Variants in NAA15 observed in about 807,000 individuals in gnomAD.
NAA15 encodes the protein N-terminal acetyltransferase.
In NAA15, 34 loss-of-function variants were observed where a neutral mutation model predicts 114.0. The ratio of observed to expected loss-of-function variants is 0.30; its 90% CI spans 0.23 to 0.40. The LOEUF is 0.40. NAA15 is among the 10% of genes least tolerant of loss of function. NAA15 has a pLI of 1.00. For missense variants in NAA15, 658 were observed against 1,004.5 expected, an observed-to-expected ratio of 0.66 and a Z score of 4.66; for synonymous variants, 340 against 338.0, an observed-to-expected ratio of 1.01 and a Z score of -0.06.
chr4:139,331,390 C>T (rs1307516717), intron 1 of NAA15, among the ~76,000 whole-genome samples: 1 of 151,882 alleles, frequency 6.6e-6, no homozygotes, highest in Non-Finnish European at 1.5e-5. Flanking sequence ...CACATTTGCC[C>T]ACTTTCATCT....
Position 139,361,754 on chromosome 4 carries a change from G to T in NAA15, c.1570G>T (p.Asp524Tyr). The change falls in exon 14 of 20, where the codon GAC (aspartate) becomes TAC (tyrosine). Residue 524 changes from aspartate (D) to tyrosine (Y), a missense_variant. By Grantham distance (160) the Asp-to-Tyr change is radical. Coordinates refer to ENST00000296543, the MANE Select transcript of NAA15 (RefSeq NM_057175.5). ...HFIEITDDQF[D>Y]FHTYCMRKIT... ...TATAGAAATCACTGATGACCAGTTT[G>T]ACTTTCATACATACTGTATGAGGAA... 1 of 1,600,412 alleles carries T rather than the reference G, an allele frequency of 6.2e-7. No individual in the cohort carries two copies. The highest frequency in any genetic ancestry group is 1.1e-5 in the South Asian group (1 of 87,918).
intron 6 of NAA15, among the ~76,000 whole-genome samples, chr4:139,345,685 C>G (rs984534951): frequency 1.3e-5 from 2 of 152,128 alleles, no homozygotes; most frequent in Non-Finnish European, 2.9e-5. Context: ...CTTTGGGAGG[C>G]CGAGGCAGGT....
intron 1 of NAA15, among the ~76,000 whole-genome samples, chr4:139,325,215 T>G (rs1214452543): frequency 2.6e-5 from 4 of 152,210 alleles, no homozygotes. Context: ...ATTTTTATTG[T>G]CCATTTGATT....
intron 1 of NAA15, among the ~76,000 whole-genome samples, chr4:139,317,399 A>G (rs560595680): frequency 0.011 from 1,719 of 152,110 alleles, 12 homozygotes; most frequent in East Asian, 0.029. Context: ...CGAGGCGGGT[A>G]GATCACGAGG....
intron 1 of NAA15, among the ~76,000 whole-genome samples, chr4:139,309,693 A>G (rs1208406481): frequency 1.3e-5 from 2 of 151,988 alleles, no homozygotes; most frequent in Non-Finnish European, 2.9e-5. Flanking sequence ...TGTGTTAGAA[A>G]CCTGAAATGT....
At chr4:139,328,126 T>TC (rs570311123) in intron 1 of NAA15, among the ~76,000 whole-genome samples, 137 of 152,194 alleles carry the variant, frequency 9.0e-4, no homozygotes, top group African/African-American at 3.1e-3. Context: ...TGATTTTTTT[T>TC]TTCTTCTTCT....
intron 1 of NAA15, among the ~76,000 whole-genome samples, chr4:139,306,815 C>T (rs1394239866): frequency 6.6e-6 from 1 of 152,074 alleles, no homozygotes; most frequent in Non-Finnish European, 1.5e-5. Flanking sequence ...AAAATCCACA[C>T]CTTAGATTTT....
Position 139,308,917 on chromosome 4 carries a change from G to A in NAA15, c.54+7086G>A, listed in dbSNP as rs552830519. 8.4e-4 allele frequency among the ~76,000 whole-genome samples: 128 copies of A among 151,904 alleles called. 1 individual carries two copies. The highest frequency in any genetic ancestry group is 2.1e-3 in the South Asian group (10 of 4,808). ...CAGGCGTGAGCCACCGCACCCTGCC[G>A]GTAATCGTAAATTTAAACTCGGATA... On this transcript the variant is annotated intron_variant, in intron 1 of 19. Coordinates refer to ENST00000296543, the MANE Select transcript of NAA15 (RefSeq NM_057175.5).
At chr4:139,357,580 T>A in intron 11 of NAA15, 25 bp downstream of exon 11, 1 of 1,458,260 alleles carries the variant, frequency 6.9e-7, no homozygotes, top group East Asian at 2.4e-5. Context: ...TTCTATTTTC[T>A]TATAAGGTAA....
At chr4:139,358,535 A>T (rs1335699195) in intron 11 of NAA15, among the ~76,000 whole-genome samples, 4 of 151,510 alleles carry the variant, frequency 2.6e-5, no homozygotes, top group African/African-American at 9.7e-5. Flanking sequence ...TTTTTTATTA[A>T]TTTTTTTATT....
At chr4:139,346,025 A>C (rs996817321) in intron 6 of NAA15, among the ~76,000 whole-genome samples, 4 of 152,114 alleles carry the variant, frequency 2.6e-5, no homozygotes, top group Non-Finnish European at 4.4e-5. Flanking sequence ...CGGTAGGTGA[A>C]ATGGGATGCA....
chr4:139,342,502 C>T (rs943798174), intron 4 of NAA15, among the ~76,000 whole-genome samples: 1 of 122,916 alleles, frequency 8.1e-6, no homozygotes, highest in Non-Finnish European at 1.6e-5. Flanking sequence ...TTTTTTGAGA[C>T]GGCGTCTTGC....
At position 139,342,969 on chromosome 4, in the gene NAA15, T is replaced by C; in HGVS notation, c.537+9T>C. 1 of 1,607,678 alleles carries C rather than the reference T, an allele frequency of 6.2e-7. No homozygotes were observed. Among genetic ancestry groups the C allele is most frequent in the Non-Finnish European group, 8.5e-7 (1 of 1,175,610 alleles). On this transcript the variant is annotated intron_variant, in intron 5 of 19. Coordinates refer to ENST00000296543, the MANE Select transcript of NAA15 (RefSeq NM_057175.5). ...TTAGGAAAACACAACAGGTAATAAC[T>C]AGAAGCCATTTTACTAAGTCTGATC... is the stretch of plus-strand genomic sequence containing the variant.
At chr4:139,365,067 C>T (rs1016333444) in intron 14 of NAA15, among the ~76,000 whole-genome samples, 8 of 152,090 alleles carry the variant, frequency 5.3e-5, no homozygotes, top group South Asian at 2.1e-4. Flanking sequence ...GATGGAGTTT[C>T]GCTCTTTTCA....
chr4:139,383,992 G>C (rs929921129), intron 17 of NAA15, among the ~76,000 whole-genome samples: 3 of 152,218 alleles, frequency 2.0e-5, no homozygotes, highest in African/African-American at 7.2e-5. Context: ...TATTTACCAG[G>C]TGGGTATTCC....
intron 13 of NAA15, 86 bp from the exon 14 acceptor site, chr4:139,361,638 G>T: frequency 2.5e-6 from 2 of 784,332 alleles, no homozygotes; most frequent in Non-Finnish European, 3.9e-6. Context: ...TCATGCCAAA[G>T]TAACAAGTAT....
At chr4:139,364,581 A>G (rs541786659) in intron 14 of NAA15, among the ~76,000 whole-genome samples, 2 of 152,304 alleles carry the variant, frequency 1.3e-5, no homozygotes, top group South Asian at 4.1e-4. Context: ...TAAATTCTGA[A>G]AAAAATAATG....
intron 18 of NAA15, among the ~76,000 whole-genome samples, chr4:139,385,283 A>AATATATATATATATATAATATATATT (rs1553999077): frequency 1.2e-4 from 12 of 100,488 alleles, no homozygotes; most frequent in South Asian, 2.7e-4. Context: ...ATATATATAT[A>AATATATATATATATATAATATATATT]ATATATATAT....
At chr4:139,354,192 G>A (rs1747869184) in intron 10 of NAA15, 94 bp downstream of exon 10, 5 of 939,660 alleles carry the variant, frequency 5.3e-6, no homozygotes, top group Admixed American at 4.2e-5. Flanking sequence ...TACTTAGGCA[G>A]TAAGCACAGT....
Sources: gnomAD v4.1 joint callset for allele counts (sites outside exome capture counted in the v4.1 genomes callset) on GRCh38, gnomAD v4.1.1 for gene constraint, MANE v1.5 for transcripts, NCBI Gene and HGNC (gene_info 2026-07-23, HGNC 2026-07-21) for gene names.